AEBP2: variants seen among roughly 807,000 people sequenced by gnomAD.
AEBP2 encodes AE binding protein 2.
In AEBP2, 10 loss-of-function variants were observed where a neutral mutation model predicts 50.8. The ratio of observed to expected loss-of-function variants is 0.20; its 90% CI spans 0.12 to 0.33. AEBP2 has a LOEUF of 0.33. AEBP2 is among the 10% of genes least tolerant of loss of function. The pLI is 1.00. For missense variants in AEBP2, 570 were observed against 688.0 expected (o/e 0.83, Z 1.92); for synonymous variants, 296 against 261.3 (o/e 1.13, Z -1.28).
At chr12:19,490,788 A>T (rs1402597351) in intron 3 of AEBP2, among the ~76,000 whole-genome samples, 1 of 152,190 alleles carries the variant, frequency 6.6e-6, no homozygotes, top group Non-Finnish European at 1.5e-5. Context: ...TAAAAGTTAA[A>T]TTGGCCATTA....
chr12:19,477,115 G>A (rs906869613), intron 3 of AEBP2, among the ~76,000 whole-genome samples: 3 of 151,974 alleles, frequency 2.0e-5, no homozygotes, highest in Non-Finnish European at 4.4e-5. Context: ...TCTCAACTTC[G>A]TCATTGTTGG....
At chr12:19,478,331 T>C (rs913241147) in intron 3 of AEBP2, among the ~76,000 whole-genome samples, 1 of 152,196 alleles carries the variant, frequency 6.6e-6, no homozygotes. Flanking sequence ...AGTCTCACTC[T>C]GTCGCCCAGG....
intron 1 of AEBP2, among the ~76,000 whole-genome samples, chr12:19,445,183 A>T (rs1221072229): frequency 6.6e-6 from 1 of 150,502 alleles, no homozygotes; most frequent in Non-Finnish European, 1.5e-5. Context: ...TGTATATAGA[A>T]TCCATGTTAT....
rs35571401 is a variant in AEBP2, at chr12:19,408,902, C to CAAAT, written c.-17+4710_-17+4713dup. On this transcript the variant is annotated intron_variant, in intron 1 of 3. Coordinates refer to the AEBP2 transcript ENST00000538425. ...TGGGTGACAGAGTGAGACTCTGTCT[C>CAAAT]AAATAAATAAATAAATAAATAAATA... Among the ~76,000 whole-genome samples the CAAAT allele has an allele frequency of 3.1e-4, 46 of 149,690 alleles. No individual in the cohort carries two copies. The South Asian group carries it at 5.5e-3, about 18-fold the overall frequency.
At chr12:19,477,663 A>G (rs1851791445) in intron 3 of AEBP2, among the ~76,000 whole-genome samples, 2 of 152,054 alleles carry the variant, frequency 1.3e-5, no homozygotes, top group East Asian at 1.9e-4. Context: ...TATCTTTTTG[A>G]TAGGCTGTTG....
At chr12:19,440,623 C>T (rs993762367) in intron 1 of AEBP2, 24 of 1,493,656 alleles carry the variant, frequency 1.6e-5, no homozygotes, top group Admixed American at 4.1e-5. Flanking sequence ...CGCTTCGCTC[C>T]TCACGGACCT....
intron 1 of AEBP2, among the ~76,000 whole-genome samples, chr12:19,426,329 A>G (rs769958456): frequency 7.2e-5 from 11 of 152,202 alleles, no homozygotes; most frequent in Non-Finnish European, 1.2e-4. Flanking sequence ...TCTGTCATTC[A>G]ACAGCACCTA....
At chr12:19,513,356 A>C (rs1305969489) in intron 6 of AEBP2, among the ~76,000 whole-genome samples, 1 of 152,040 alleles carries the variant, frequency 6.6e-6, no homozygotes, top group East Asian at 1.9e-4. Flanking sequence ...TTTTCTTTTT[A>C]TAAAAGGAAA....
rs1363878114 is a variant in AEBP2 at position 19,521,978 on chromosome 12, T to C, written c.*3861T>C. 2 of 152,126 alleles carry C rather than the reference T, an allele frequency of 1.3e-5. No homozygotes were observed. The highest frequency in any genetic ancestry group is 2.9e-5 in the Non-Finnish European group (2 of 67,996). The allele number at this position is 152,126 out of a possible 1,614,324, so 9.4% of individuals were successfully genotyped here. Reference sequence around the variant, plus strand: ...AATTCTTAGTTTATATGAAAACTGATATGTATGTCTGTGTAACAAAGCCTG... The same window carrying C: ...AATTCTTAGTTTATATGAAAACTGACATGTATGTCTGTGTAACAAAGCCTG... On this transcript the variant is annotated 3_prime_UTR_variant, in exon 8 of 8. Transcript: ENST00000266508.
At chr12:19,508,028 A>G (rs1367822493) in intron 5 of AEBP2, among the ~76,000 whole-genome samples, 1 of 152,208 alleles carries the variant, frequency 6.6e-6, no homozygotes, top group Non-Finnish European at 1.5e-5. Context: ...AGAAGAGGTC[A>G]GCAAAATCCT....
At chr12:19,428,141 G>A (rs548823559) in intron 1 of AEBP2, among the ~76,000 whole-genome samples, 6 of 152,174 alleles carry the variant, frequency 3.9e-5, no homozygotes, top group East Asian at 1.9e-4. Context: ...GGAGACAGGC[G>A]GGAGGATCAC....
At chr12:19,516,342 A>G (rs747963073) in intron 7 of AEBP2, among the ~76,000 whole-genome samples, 3 of 152,152 alleles carry the variant, frequency 2.0e-5, no homozygotes, top group Non-Finnish European at 4.4e-5. Flanking sequence ...AAAGAGTGAT[A>G]TTTTGGGAGA....
chr12:19,518,290 G>A lies in AEBP2; in HGVS notation c.*173G>A. 2 of 1,285,330 alleles carry A rather than the reference G, an allele frequency of 1.6e-6. No individual in the cohort carries two copies. Among genetic ancestry groups the A allele is most frequent in the Non-Finnish European group, 2.0e-6 (2 of 1,016,832 alleles). The allele number at this position is 1,285,330 out of a possible 1,614,324, so 79.6% of individuals were successfully genotyped here. A position where few individuals can be genotyped will look rare whatever the true frequency, so the allele number is the denominator to read the frequency against. On this transcript the variant is annotated 3_prime_UTR_variant, in exon 8 of 8. Transcript: ENST00000266508. ...TGCTTAGTGTAAACATTCTGTGAAT[G>A]AAGTAGACTCTTCGGTGGAATATAT...
chr12:19,514,043 A>G (rs1949281942), intron 6 of AEBP2, among the ~76,000 whole-genome samples: 1 of 150,356 alleles, frequency 6.7e-6, no homozygotes, highest in Non-Finnish European at 1.5e-5. Context: ...TTTGACGCCC[A>G]TGCTGCAGTG....
rs148455635 is a variant in AEBP2, at chr12:19,448,572, A to G, written c.671+8202A>G. Among the ~76,000 whole-genome samples the G allele has an allele frequency of 7.2e-3, 1,102 of 152,112 alleles. 4 individuals are homozygous for G. The highest frequency in any genetic ancestry group is 0.011 in the Non-Finnish European group (757 of 67,984). On this transcript the variant is annotated intron_variant, in intron 1 of 7. Transcript: ENST00000266508. ...ACTCAGTATGTCGTAGCCTGTATTC[A>G]TTCTCAGTAATTGGTTGAATTCAAC... is the stretch of plus-strand genomic sequence containing the variant.
rs752111783 is a variant in AEBP2 at position 19,440,205 on chromosome 12, G to T, written c.506G>T (p.Gly169Val). The change falls in exon 1 of 8, where the codon GGC (glycine) becomes GTC (valine). Residue 169 changes from glycine to valine, a missense_variant. Coordinates refer to ENST00000266508, the MANE Select transcript of AEBP2 (RefSeq NM_153207.5). ...EEPKGPRGSQGGGGGGSSSSS... is the reference protein window; with the variant it reads ...EEPKGPRGSQVGGGGGSSSSS... ...CCCAAGGGACCGCGGGGCAGCCAGGGCGGCGGCGGGGGCGGCAGCAGTAGC... is the reference window on the plus strand; with the variant it reads ...CCCAAGGGACCGCGGGGCAGCCAGGTCGGCGGCGGGGGCGGCAGCAGTAGC... The T allele has an allele frequency of 2.1e-6, 3 of 1,457,576 alleles. No homozygotes were observed. The highest frequency in any genetic ancestry group is 1.5e-5 in the African/African-American group (1 of 67,720). 90.3% of individuals were successfully genotyped at this position (1,457,576 alleles called of 1,614,324 possible).
intron 3 of AEBP2, among the ~76,000 whole-genome samples, chr12:19,477,765 G>A (rs1317489813): frequency 6.6e-6 from 1 of 152,180 alleles, no homozygotes; most frequent in Non-Finnish European, 1.5e-5. Context: ...GTCCTTTCCT[G>A]ATTTTGGTAT....
rs572022148 is a variant in AEBP2, at chr12:19,471,680, A to C, written c.880-1568A>C. ...AGCTGGGACTACGAGTGCATATGCC[A>C]TTATGCCTAGCCAATTTTTTTTGTT... is the stretch of plus-strand genomic sequence containing the variant. On this transcript the variant is annotated intron_variant, in intron 2 of 7. Transcript: ENST00000266508. Among the ~76,000 whole-genome samples, 559 of 151,682 alleles carry C rather than the reference A, an allele frequency of 3.7e-3. 3 individuals are homozygous for C. The highest frequency in any genetic ancestry group is 0.013 in the African/African-American group (535 of 41,318).
At chr12:19,465,610 T>TC (rs891982621) in intron 2 of AEBP2, among the ~76,000 whole-genome samples, 11 of 152,060 alleles carry the variant, frequency 7.2e-5, no homozygotes, top group African/African-American at 2.7e-4. Flanking sequence ...CAGGCTGGTC[T>TC]CCAACTCCTC....
Sources: gnomAD v4.1 joint callset for allele counts (sites outside exome capture counted in the v4.1 genomes callset) on GRCh38, gnomAD v4.1.1 for gene constraint, MANE v1.5 for transcripts, NCBI Gene and HGNC (gene_info 2026-07-23, HGNC 2026-07-21) for gene names.